CYP7B1: variants seen among roughly 807,000 people sequenced by gnomAD.
The protein encoded by CYP7B1 is cytochrome P450 7B1.
Under a neutral mutation model 42.7 loss-of-function variants are expected in CYP7B1, and 29 were observed. The ratio of observed to expected loss-of-function variants is 0.68; its 90% CI spans 0.51 to 0.93. The LOEUF (loss-of-function observed/expected upper bound fraction) is 0.93, where lower values mean the gene tolerates loss of function less well. CYP7B1 is among the 40% of genes least tolerant of loss of function. The probability of loss-of-function intolerance (pLI) is 0.00; values close to 1 mark genes in which losing one functional copy is unlikely to be tolerated. For synonymous variants in CYP7B1, 235 were observed against 218.2 expected (o/e 1.08, Z -0.68); for missense variants, 655 against 600.5 (o/e 1.09, Z -0.95).
chr8:64,685,307 T>C (rs1267982275), intron 1 of CYP7B1, among the ~76,000 whole-genome samples: 4 of 131,658 alleles, frequency 3.0e-5, no homozygotes, highest in African/African-American at 1.2e-4. Context: ...AAGTGAGGAG[T>C]GTCTCTGCCT....
chr8:64,590,203 A>G (rs1421431608), downstream of CYP7B1, among the ~76,000 whole-genome samples: 1 of 152,206 alleles, frequency 6.6e-6, no homozygotes, highest in East Asian at 1.9e-4. Flanking sequence ...GTTCAAATGA[A>G]CAGAACACCT....
intron 1 of CYP7B1, among the ~76,000 whole-genome samples, chr8:64,695,000 G>C (rs1177964138): frequency 6.6e-6 from 1 of 152,094 alleles, no homozygotes; most frequent in African/African-American, 2.4e-5. Context: ...CGTCAATAAT[G>C]CATAAGATAA....
chr8:64,785,880 G>A (rs968313145), intron 1 of CYP7B1, among the ~76,000 whole-genome samples: 2 of 152,160 alleles, frequency 1.3e-5, no homozygotes, highest in African/African-American at 4.8e-5. Flanking sequence ...TAGCTGGGGA[G>A]GCCTCAGGAA....
chr8:64,654,953 G>T (rs1374945164), intron 1 of CYP7B1, among the ~76,000 whole-genome samples: 1 of 152,210 alleles, frequency 6.6e-6, no homozygotes, highest in African/African-American at 2.4e-5. Context: ...TGGTGTTGAG[G>T]TAACTGGCTA....
At chr8:64,664,042 G>C (rs1806239593) in intron 1 of CYP7B1, among the ~76,000 whole-genome samples, 1 of 152,192 alleles carries the variant, frequency 6.6e-6, no homozygotes, top group Non-Finnish European at 1.5e-5. Flanking sequence ...TGAAACTACA[G>C]ATGCCAGCTG....
At chr8:64,736,674 C>A (rs1386523643) in intron 1 of CYP7B1, among the ~76,000 whole-genome samples, 1 of 152,106 alleles carries the variant, frequency 6.6e-6, no homozygotes, top group African/African-American at 2.4e-5. Context: ...TGGTCTCGAA[C>A]TCCTGACCTC....
At chr8:64,706,205 A>C (rs1420497000) in intron 1 of CYP7B1, among the ~76,000 whole-genome samples, 1 of 152,076 alleles carries the variant, frequency 6.6e-6, no homozygotes, top group Non-Finnish European at 1.5e-5. Context: ...ATACCTCTAA[A>C]CTTGATCCTA....
intron 1 of CYP7B1, among the ~76,000 whole-genome samples, chr8:64,640,909 A>T (rs896606135): frequency 2.6e-5 from 4 of 152,210 alleles, no homozygotes; most frequent in Non-Finnish European, 5.9e-5. Context: ...GTAAATAAGC[A>T]TAAGATGTTA....
chr8:64,624,395 C>A lies in CYP7B1; in HGVS notation c.259+8G>T. The A allele has an allele frequency of 6.2e-7, 1 of 1,612,918 alleles. No homozygotes were observed. ...CATATATAAGGTATTAATAGAAGTG[C>A]TTCTTACCACCAAGAAGAACTGTGA... On this transcript the variant is annotated splice_region_variant and intron_variant, in intron 2 of 5. Coordinates refer to ENST00000310193, the MANE Select transcript of CYP7B1 (RefSeq NM_004820.5).
intron 1 of CYP7B1, among the ~76,000 whole-genome samples, chr8:64,787,477 C>T (rs181355586): frequency 6.6e-6 from 1 of 152,350 alleles, no homozygotes; most frequent in Admixed American, 6.5e-5. Context: ...TCTGAGACCA[C>T]ATCAGCCTGG....
At chr8:64,606,601 C>T (rs1021594584) in intron 4 of CYP7B1, among the ~76,000 whole-genome samples, 1 of 152,264 alleles carries the variant, frequency 6.6e-6, no homozygotes, top group African/African-American at 2.4e-5. Flanking sequence ...TGGCAGCTTG[C>T]GCCCACCACA....
chr8:64,601,964 C>T (rs1231112131), intron 5 of CYP7B1, among the ~76,000 whole-genome samples: 1 of 152,146 alleles, frequency 6.6e-6, no homozygotes, highest in South Asian at 2.1e-4. Context: ...AGGCCCAGTA[C>T]ATATGTTAAT....
intron 1 of CYP7B1, among the ~76,000 whole-genome samples, chr8:64,747,764 C>G (rs972438003): frequency 1.3e-5 from 2 of 152,094 alleles, no homozygotes; most frequent in Non-Finnish European, 2.9e-5. Context: ...TCATTGGGCT[C>G]TTGGCTGGAA....
Position 64,702,761 on chromosome 8 carries a change from T to A in CYP7B1, c.123-78222A>T, listed in dbSNP as rs146652800. On this transcript the variant is annotated intron_variant, in intron 1 of 5. Transcript: ENST00000310193. ...AGCGTTGCTGGTGTGTGCGAAATAG[T>A]ATAAATGAAACATACATAATGTACG... Among the ~76,000 whole-genome samples the A allele has an allele frequency of 7.9e-5, 12 of 152,206 alleles. No homozygotes were observed. In the East Asian group the frequency reaches 1.9e-3, roughly 25 times the overall value.
At chr8:64,660,478 T>G (rs973717641) in intron 1 of CYP7B1, among the ~76,000 whole-genome samples, 3 of 152,178 alleles carry the variant, frequency 2.0e-5, no homozygotes, top group Non-Finnish European at 4.4e-5. Flanking sequence ...CAGTCTCACT[T>G]GAAGGCTTGA....
chr8:64,600,055 G>GA (rs1400735362), intron 5 of CYP7B1, among the ~76,000 whole-genome samples: 1 of 152,166 alleles, frequency 6.6e-6, no homozygotes, highest in East Asian at 1.9e-4. Flanking sequence ...AAATACATGA[G>GA]AAAAAAGTAT....
intron 1 of CYP7B1, among the ~76,000 whole-genome samples, chr8:64,742,287 G>A (rs80083040): frequency 1.3e-5 from 2 of 151,990 alleles, no homozygotes; most frequent in African/African-American, 4.8e-5. Flanking sequence ...GTAATAGAAT[G>A]CTAAGCCATT....
chr8:64,711,318 A>AT (rs1019076275), intron 1 of CYP7B1, among the ~76,000 whole-genome samples: 1 of 152,150 alleles, frequency 6.6e-6, no homozygotes, highest in African/African-American at 2.4e-5. Flanking sequence ...AGTGGAAATG[A>AT]TTTCACAGCT....
intron 1 of CYP7B1, among the ~76,000 whole-genome samples, chr8:64,720,423 T>C (rs1807219627): frequency 6.6e-6 from 1 of 152,090 alleles, no homozygotes; most frequent in Non-Finnish European, 1.5e-5. Flanking sequence ...AAAAGAGTAA[T>C]ATAACTGGTA....
Sources: gnomAD v4.1 joint callset for allele counts (sites outside exome capture counted in the v4.1 genomes callset) on GRCh38, gnomAD v4.1.1 for gene constraint, MANE v1.5 for transcripts, NCBI Gene and HGNC (gene_info 2026-07-23, HGNC 2026-07-21) for gene names.